Variants in CPS1 observed in about 807,000 individuals in gnomAD.
CPS1 encodes the protein carbamoyl-phosphate synthase [ammonia], mitochondrial.
CPS1 carries 109 observed loss-of-function variants against 174.6 expected under a neutral mutation model. The ratio of observed to expected loss-of-function variants is 0.62; its 90% CI spans 0.53 to 0.73. The LOEUF (loss-of-function observed/expected upper bound fraction) is 0.73. CPS1 is among the 30% of genes least tolerant of loss of function. The probability of loss-of-function intolerance (pLI) is 0.00; values close to 1 mark genes in which losing one functional copy is unlikely to be tolerated. For missense variants in CPS1, 1,689 were observed against 1,821.9 expected (o/e 0.93, Z 1.33); for synonymous variants, 637 against 632.0 (o/e 1.01, Z -0.12).
rs368868859 is a variant in CPS1 at position 210,632,628 on chromosome 2, CTG to C, written c.2688-5071_2688-5070del. Among the ~76,000 whole-genome samples the C allele has an allele frequency of 1.7e-4, 26 of 152,308 alleles. No homozygotes were observed. The South Asian group carries it at 4.8e-3, about 28-fold the overall frequency. On this transcript the variant is annotated intron_variant, in intron 21 of 37. Coordinates refer to ENST00000233072, the MANE Select transcript of CPS1 (RefSeq NM_001875.5). Reference sequence around the variant, plus strand: ...ACCTTGTGGAATTAGGCAGCACTGACTGTGGGAAGGGATCTAACTTGCCTGTG... The same window carrying C: ...ACCTTGTGGAATTAGGCAGCACTGACTGGGAAGGGATCTAACTTGCCTGTG...
At chr2:210,545,563 C>T (rs11904316) in intron 1 of CPS1, among the ~76,000 whole-genome samples, 2 of 151,758 alleles carry the variant, frequency 1.3e-5, no homozygotes, top group Admixed American at 1.3e-4. Context: ...TACACGATGC[C>T]TTATGTATTT....
chr2:210,657,310 C>CT (rs555740700), intron 30 of CPS1: 3,130 of 140,514 alleles, frequency 0.022, 102 homozygotes, highest in African/African-American at 0.062. Context: ...AACCTATCAT[C>CT]TTTTTTTTTT....
At chr2:210,637,181 G>A (rs998528892) in intron 21 of CPS1, among the ~76,000 whole-genome samples, 1 of 152,234 alleles carries the variant, frequency 6.6e-6, no homozygotes, top group African/African-American at 2.4e-5. Flanking sequence ...GAAGACAAAA[G>A]CAGGTAACAA....
intron 20 of CPS1, among the ~76,000 whole-genome samples, chr2:210,613,024 C>T (rs897519602): frequency 6.6e-6 from 1 of 151,946 alleles, no homozygotes. Context: ...GGCTTTTTGA[C>T]ATTTAAGGAA....
upstream of CPS1, among the ~76,000 whole-genome samples, chr2:210,554,836 TACACACAC>T (rs3060397): frequency 6.8e-6 from 1 of 147,878 alleles, no homozygotes; most frequent in Non-Finnish European, 1.5e-5. Flanking sequence ...CAACCCTCAC[TACACACAC>T]ACACACACAC....
chr2:210,613,135 T>C (rs1377381126), intron 20 of CPS1, among the ~76,000 whole-genome samples: 2 of 151,854 alleles, frequency 1.3e-5, no homozygotes, highest in Non-Finnish European at 2.9e-5. Context: ...GCATGTGGGA[T>C]GAGTCGGTGA....
intron 25 of CPS1, among the ~76,000 whole-genome samples, chr2:210,646,984 T>C (rs954133093): frequency 6.6e-6 from 1 of 152,146 alleles, no homozygotes; most frequent in Non-Finnish European, 1.5e-5. Context: ...TTTGGACTTA[T>C]GGAAGAAAAT....
At position 210,636,700 on chromosome 2, in the gene CPS1, G is replaced by C. The variant is rs540962415; in HGVS notation, c.2688-1002G>C. Among the ~76,000 whole-genome samples the C allele has an allele frequency of 3.3e-5, 5 of 152,086 alleles. No individual in the cohort carries two copies. The East Asian group carries it at 9.7e-4, about 30-fold the overall frequency. ...TTCCAAGCAAAAGAGGCAGTAAAAA[G>C]CACAAGAAGTTCAGTGTGGATGACA... On this transcript the variant is annotated intron_variant, in intron 21 of 37. Coordinates refer to ENST00000233072, the MANE Select transcript of CPS1 (RefSeq NM_001875.5).
chr2:210,655,299 G>C (rs755449951), intron 29 of CPS1, among the ~76,000 whole-genome samples: 1 of 152,158 alleles, frequency 6.6e-6, no homozygotes, highest in Non-Finnish European at 1.5e-5. Flanking sequence ...TTCAAATACT[G>C]TACTGGTAAA....
At chr2:210,522,721 A>G (rs187114432) in intron 1 of CPS1, among the ~76,000 whole-genome samples, 307 of 152,080 alleles carry the variant, frequency 2.0e-3, no homozygotes, top group African/African-American at 7.1e-3. Context: ...CCTCATCACC[A>G]TCTTATATAA....
At chr2:210,613,146 A>G (rs1005040611) in intron 20 of CPS1, among the ~76,000 whole-genome samples, 8 of 151,856 alleles carry the variant, frequency 5.3e-5, no homozygotes, top group Non-Finnish European at 1.2e-4. Flanking sequence ...GAGTCGGTGA[A>G]AACATGAACT....
At chr2:210,649,151 C>T (rs1421096990) in intron 27 of CPS1, among the ~76,000 whole-genome samples, 1 of 152,128 alleles carries the variant, frequency 6.6e-6, no homozygotes, top group African/African-American at 2.4e-5. Context: ...ATTTGCTTTG[C>T]ACAATTTGAA....
chr2:210,673,791 T>C (rs1332527454), intron 34 of CPS1: 3 of 152,170 alleles, frequency 2.0e-5, no homozygotes, highest in African/African-American at 7.2e-5. Flanking sequence ...CATACTAATG[T>C]AAGAACTGTT....
intron 1 of CPS1, among the ~76,000 whole-genome samples, chr2:210,483,455 C>G (rs950090073): frequency 6.6e-6 from 1 of 152,172 alleles, no homozygotes; most frequent in African/African-American, 2.4e-5. Context: ...TCTCACTGTT[C>G]CAAGGTCACC....
chr2:210,495,671 A>G (rs138737377), intron 1 of CPS1, among the ~76,000 whole-genome samples: 31 of 152,298 alleles, frequency 2.0e-4, no homozygotes, highest in African/African-American at 7.5e-4. Flanking sequence ...TCTGTCTTGC[A>G]TATTTAATCT....
At chr2:210,662,979 T>C (rs1574657176) in intron 32 of CPS1, 144 bp from the exon 33 acceptor site, 1 of 808,230 alleles carries the variant, frequency 1.2e-6, no homozygotes, top group African/African-American at 1.8e-5. Flanking sequence ...AGTCGGATGC[T>C]TGGACCCAAG....
At chr2:210,604,114 G>C (rs1328615769) in intron 16 of CPS1, among the ~76,000 whole-genome samples, 1 of 151,768 alleles carries the variant, frequency 6.6e-6, no homozygotes, top group Non-Finnish European at 1.5e-5. Context: ...ATTGGCTACT[G>C]AATTTTCTAA....
intron 1 of CPS1, among the ~76,000 whole-genome samples, chr2:210,527,983 T>C (rs575490121): frequency 6.6e-6 from 1 of 152,006 alleles, no homozygotes; most frequent in African/African-American, 2.4e-5. Flanking sequence ...TTGCATTTAT[T>C]GGTGTTCTTA....
Position 210,608,390 on chromosome 2 carries a change from T to C in CPS1, c.2222T>C (p.Ile741Thr), listed in dbSNP as rs990492966. The change falls in exon 19 of 38, where the codon ATT (isoleucine) becomes ACT (threonine). Residue 741 changes from isoleucine to threonine, a missense_variant. Coordinates refer to ENST00000233072, the MANE Select transcript of CPS1 (RefSeq NM_001875.5). ...CCATTGGCATTCATTGCTGCAAAGA[T>C]TGCCCTAGGAATCCCACTTCCAGAA... The part of the protein sequence containing the change: ...GYPLAFIAAK[I>T]ALGIPLPEIK... The C allele has an allele frequency of 6.2e-7, 1 of 1,612,262 alleles. No homozygotes were observed. The highest frequency in any genetic ancestry group is 8.5e-7 in the Non-Finnish European group (1 of 1,178,830).
Sources: allele counts gnomAD v4.1 joint callset (sites outside exome capture counted in the v4.1 genomes callset), GRCh38; gene constraint gnomAD v4.1.1; transcripts MANE v1.5; gene names NCBI Gene and HGNC (gene_info 2026-07-23, HGNC 2026-07-21).